Variants in MYRF observed in about 807,000 individuals in gnomAD.
The protein encoded by MYRF is myelin gene regulatory factor.
A neutral mutation model predicts 126.3 loss-of-function variants in MYRF; 16 were observed. The ratio of observed to expected loss-of-function variants is 0.13; its 90% CI spans 0.09 to 0.19. The LOEUF is 0.19. MYRF is among the 10% of genes least tolerant of loss of function. The probability of loss-of-function intolerance (pLI) is 1.00; values close to 1 mark genes in which losing one functional copy is unlikely to be tolerated. For synonymous variants in MYRF, 608 were observed against 635.3 expected (o/e 0.96, Z 0.65); for missense variants, 1,104 against 1,547.0 (o/e 0.71, Z 4.80).
At position 61,774,111 on chromosome 11, in the gene MYRF, C is replaced by T. The variant is rs975772804; in HGVS notation, c.1260C>T (p.Pro420=). 1.5e-5 allele frequency: 24 copies of T among 1,613,536 alleles called. No individual in the cohort carries two copies. Among genetic ancestry groups the T allele is most frequent in the East Asian group, 2.2e-5 (1 of 44,882 alleles). The stretch of plus-strand genomic sequence containing the variant: ...GCGAGCCCAAGTACGTCAAGACGCC[C>T]GAGGGCCTCAAGCCCCTCGACTGCT... ...MLGEPKYVKT[P]EGLKPLDCFY... Residue 420 remains proline (P), a synonymous_variant, in exon 8 of 27, where the codon CCC becomes CCT. Coordinates refer to ENST00000278836, the MANE Select transcript of MYRF (RefSeq NM_001127392.3).
Position 61,776,367 on chromosome 11 carries a change from G to A in MYRF, c.1434G>A (p.Arg478=), listed in dbSNP as rs2066382115. The change falls in exon 10 of 27, where the codon CGG becomes CGA. Residue 478 remains arginine (R), a synonymous_variant. Coordinates refer to ENST00000278836, the MANE Select transcript of MYRF (RefSeq NM_001127392.3). The surrounding 1 kb of genome is among the most constrained non-coding windows in gnomAD (Gnocchi z 4.3). ...PEQVTKVTVG[R]LHFSETTANN... is the part of the protein sequence containing the mutation. Reference sequence around the variant, plus strand: ...AGGTCACGAAGGTGACTGTGGGGCGGCTGCACTTCAGCGAGACCACCGCTA... The same window carrying A: ...AGGTCACGAAGGTGACTGTGGGGCGACTGCACTTCAGCGAGACCACCGCTA... 1 of 1,612,966 alleles carries A rather than the reference G, an allele frequency of 6.2e-7. No individual in the cohort carries two copies. The highest frequency in any genetic ancestry group is 1.7e-5 in the Admixed American group (1 of 59,988).
In MYRF at chr11:61,771,635, C is replaced by A. The variant is rs763704697; in HGVS notation, c.876C>A (p.Ala292=). 2.5e-6 allele frequency: 4 copies of A among 1,614,006 alleles called. No individual in the cohort carries two copies. The Admixed American group carries it at 6.7e-5, about 27-fold the overall frequency. The change falls in exon 6 of 27, where the codon GCC becomes GCA. Residue 292 remains alanine (A), a synonymous_variant. Transcript: ENST00000278836. ...VTALPLHPTR[A]PSPPWPPQGP... is the part of the protein sequence containing the mutation. ...CCCTGCCTCTGCACCCCACTCGAGC[C>A]CCATCGCCACCCTGGCCTCCCCAGG...
chr11:61,755,975 G>A (rs198463), intron 1 of MYRF, among the ~76,000 whole-genome samples: 1,802 of 152,358 alleles, frequency 0.012, 38 homozygotes, highest in African/African-American at 0.04. Flanking sequence ...CTGATGGGTG[G>A]CTGGACTGGT....
chr11:61,763,365 C>G (rs2071212), intron 1 of MYRF, among the ~76,000 whole-genome samples: 82,830 of 152,124 alleles, frequency 0.54, 24,607 homozygotes, highest in Middle Eastern at 0.74. Context: ...CGTCCCTGGC[C>G]TGGTAGGCAG....
intron 22 of MYRF, chr11:61,782,640 T>C (rs1425873941): frequency 6.6e-6 from 1 of 152,266 alleles, no homozygotes; most frequent in Non-Finnish European, 1.5e-5. Context: ...GCTTTGGGAC[T>C]GGGGAGGACA....
chr11:61,779,178 C>T, intron 14 of MYRF, 85 bp from the exon 15 acceptor site: 1 of 1,423,044 alleles, frequency 7.0e-7, no homozygotes, highest in Non-Finnish European at 9.4e-7. Context: ...CCCTCCTGCC[C>T]CCTGATGTCT....
At position 61,786,486 on chromosome 11, in the gene MYRF, G is replaced by T. The variant is rs1230235567; in HGVS notation, c.*343G>T. 9.1e-6 allele frequency: 3 copies of T among 328,614 alleles called. No individual in the cohort carries two copies. The highest frequency in any genetic ancestry group is 4.3e-5 in the Admixed American group (1 of 23,450). 20.4% of individuals were successfully genotyped at this position (328,614 alleles called of 1,614,324 possible). A position where few individuals can be genotyped will look rare whatever the true frequency, so the allele number is the denominator to read the frequency against. Reference sequence around the variant, plus strand: ...AAGGGGAAGCCTGTGGCCCTGATTTGTTCAGAGCCCATTCTCCCTTGCCTC... The same window carrying T: ...AAGGGGAAGCCTGTGGCCCTGATTTTTTCAGAGCCCATTCTCCCTTGCCTC... On this transcript the variant is annotated 3_prime_UTR_variant, in exon 27 of 27. Transcript: ENST00000278836. This position sits in a 1 kb window ranked among gnomAD's most constrained non-coding sequence, Gnocchi z 4.5.
Position 61,752,656 on chromosome 11 carries a change from A to G in MYRF, c.-89A>G. On this transcript the variant is annotated 5_prime_UTR_variant, in exon 1 of 27. Coordinates refer to ENST00000278836, the MANE Select transcript of MYRF (RefSeq NM_001127392.3). ...GGACCGTAGCCGGAGCCCAGCCGGG[A>G]CTGTCGCGCGGGCCGCGCCGGCGAT... is the stretch of plus-strand genomic sequence containing the variant. The G allele has an allele frequency of 9.5e-7, 1 of 1,050,218 alleles. No individual in the cohort carries two copies. Among genetic ancestry groups the G allele is most frequent in the Non-Finnish European group, 1.2e-6 (1 of 828,350 alleles). 65.1% of individuals were successfully genotyped at this position (1,050,218 alleles called of 1,614,324 possible).
intron 7 of MYRF, among the ~76,000 whole-genome samples, chr11:61,772,383 A>G (rs1300380555): frequency 6.6e-6 from 1 of 152,222 alleles, no homozygotes; most frequent in Non-Finnish European, 1.5e-5. Flanking sequence ...CTCAACACCC[A>G]GATGGCTCCA....
chr11:61,786,285 A>G lies in MYRF; in HGVS notation c.*142A>G. On this transcript the variant is annotated 3_prime_UTR_variant, in exon 27 of 27. Coordinates refer to ENST00000278836, the MANE Select transcript of MYRF (RefSeq NM_001127392.3). The surrounding 1 kb of genome is among the most constrained non-coding windows in gnomAD (Gnocchi z 4.5). ...CCCTACCCGAGACTGGTGAAACTGG[A>G]AGTCTTCACACTGGAGTTGCTGTTC... The G allele has an allele frequency of 1.3e-6, 1 of 775,478 alleles. No individual in the cohort carries two copies. The highest frequency in any genetic ancestry group is 2.7e-5 in the East Asian group (1 of 37,276). The allele number at this position is 775,478 out of a possible 1,614,324, so 48.0% of individuals were successfully genotyped here.
intron 1 of MYRF, among the ~76,000 whole-genome samples, chr11:61,758,092 A>AG (rs11297199): frequency 6.6e-6 from 1 of 151,390 alleles, no homozygotes; most frequent in African/African-American, 2.4e-5. Flanking sequence ...GCCTGGAGTG[A>AG]GGGGGGGAGG....
chr11:61,775,947 C>G (rs148374076), intron 8 of MYRF, 109 bp from the exon 9 acceptor site: 87 of 1,023,908 alleles, frequency 8.5e-5, no homozygotes, highest in Non-Finnish European at 1.3e-4. Flanking sequence ...GGGTGCTGCC[C>G]TGTTTCCTGG....
In MYRF at chr11:61,765,880, C is replaced by T. The variant is rs2066042607; in HGVS notation, c.135-78C>T. 4 of 1,454,874 alleles carry T rather than the reference C, an allele frequency of 2.7e-6. No homozygotes were observed. In the Admixed American group the frequency reaches 9.9e-5, roughly 36 times the overall value. The allele number at this position is 1,454,874 out of a possible 1,614,324, so 90.1% of individuals were successfully genotyped here. On this transcript the variant is annotated intron_variant, in intron 2 of 26. Coordinates refer to ENST00000278836, the MANE Select transcript of MYRF (RefSeq NM_001127392.3). ...TGACTCCTCCGAAATCTCCATAGTTCCCTGCAGGGAGGGGGCGGCTACTTC... is the reference window on the plus strand; with the variant it reads ...TGACTCCTCCGAAATCTCCATAGTTTCCTGCAGGGAGGGGGCGGCTACTTC...
intron 17 of MYRF, 134 bp from the exon 18 acceptor site, chr11:61,780,088 C>T (rs2066498463): frequency 1.6e-6 from 2 of 1,245,392 alleles, no homozygotes; most frequent in South Asian, 1.3e-5. Context: ...CTGCCTCTTC[C>T]CCTCTGGGGT....
In MYRF at chr11:61,778,990, C is replaced by T. The variant is rs552250833; in HGVS notation, c.2014-273C>T. On this transcript the variant is annotated intron_variant, in intron 14 of 26. Transcript: ENST00000278836. This position sits in a 1 kb window ranked among gnomAD's most constrained non-coding sequence, Gnocchi z 4.6. ...AGCCTTCAGGCTTAGGAGAGGAGAG[C>T]TCTGGCAGGGAGTGGGGAGGGCCAT... is the stretch of plus-strand genomic sequence containing the variant. 25 of 645,752 alleles carry T rather than the reference C, an allele frequency of 3.9e-5. No homozygotes were observed. In the African/African-American group the frequency reaches 4.1e-4, roughly 11 times the overall value. The allele number at this position is 645,752 out of a possible 1,614,324, so 40.0% of individuals were successfully genotyped here.
In MYRF at chr11:61,777,515, G is replaced by T. The variant is rs746614572; in HGVS notation, c.1791+51G>T. 2 of 1,523,562 alleles carry T rather than the reference G, an allele frequency of 1.3e-6. No individual in the cohort carries two copies. The highest frequency in any genetic ancestry group is 4.0e-5 in the Admixed American group (2 of 50,332). The allele number at this position is 1,523,562 out of a possible 1,614,324, so 94.4% of individuals were successfully genotyped here. Reference sequence around the variant, plus strand: ...GCGGGTCCAGACGCTGGAGCGGGCCGCGGGGGCGGGGCTCCTGGGGAGGGG... The same window carrying T: ...GCGGGTCCAGACGCTGGAGCGGGCCTCGGGGGCGGGGCTCCTGGGGAGGGG... On this transcript the variant is annotated intron_variant, in intron 12 of 26. Transcript: ENST00000278836. This position sits in a 1 kb window ranked among gnomAD's most constrained non-coding sequence, Gnocchi z 8.8.
intron 1 of MYRF, among the ~76,000 whole-genome samples, chr11:61,763,606 G>A (rs2065963470): frequency 6.6e-6 from 1 of 152,246 alleles, no homozygotes; most frequent in Non-Finnish European, 1.5e-5. Context: ...GCTCACGCCT[G>A]TAATCCCAGC....
At chr11:61,762,787 G>A (rs1262285598) in intron 1 of MYRF, among the ~76,000 whole-genome samples, 1 of 152,136 alleles carries the variant, frequency 6.6e-6, no homozygotes, top group Non-Finnish European at 1.5e-5. Context: ...GGCCCTCCGA[G>A]CCCCCAACCC....
intron 2 of MYRF, 43 bp downstream of exon 2, chr11:61,765,755 C>T (rs1436344298): frequency 2.6e-6 from 4 of 1,554,496 alleles, no homozygotes; most frequent in Non-Finnish European, 3.5e-6. Flanking sequence ...CCAGCCCCAG[C>T]CCTTCGCCTC....
Sources: gnomAD v4.1 joint callset for allele counts (sites outside exome capture counted in the v4.1 genomes callset) on GRCh38, gnomAD v4.1.1 for gene constraint, Gnocchi (gnomAD v3.1) non-coding constraint, MANE v1.5 for transcripts, NCBI Gene and HGNC (gene_info 2026-07-23, HGNC 2026-07-21) for gene names.